Variants in FNDC3B observed in about 807,000 individuals in gnomAD.
The protein encoded by FNDC3B is fibronectin type III domain containing 3B.
Under a neutral mutation model 151.5 loss-of-function variants are expected in FNDC3B, and 12 were observed. The ratio of observed to expected loss-of-function variants is 0.08; its 90% CI spans 0.05 to 0.13. The LOEUF is 0.13. Ranked by LOEUF, FNDC3B falls within the 10% of genes least tolerant of loss-of-function variation. FNDC3B has a pLI of 1.00. For missense variants in FNDC3B, 1,214 were observed against 1,505.3 expected, an observed-to-expected ratio of 0.81 and a Z score of 3.20; for synonymous variants, 528 against 549.0, an observed-to-expected ratio of 0.96 and a Z score of 0.54.
intron 18 of FNDC3B, 102 bp downstream of exon 18, chr3:172,343,218 A>G: frequency 5.7e-6 from 4 of 707,422 alleles, no homozygotes; most frequent in South Asian, 4.6e-5. Context: ...TAAAGACCAT[A>G]TACGTTTTTG....
Position 172,397,300 on chromosome 3 carries a change from C to A in FNDC3B, c.3440C>A (p.Ala1147Asp). Residue 1147 changes from alanine (A) to aspartate (D), a missense_variant, in exon 26 of 26, where the codon GCT becomes GAT. This residue lies in a region of FNDC3B where 284 missense variants were observed against 392.4 expected (regional missense o/e 0.72). Transcript: ENST00000415807. ...AGCGGAGCCTTCAGCCCCTCTGCGG[C>A]TTTTGTATTACAACGAAGTGAGGTC... ...ELSGAFSPSA[A>D]FVLQRSEVML... is the part of the protein sequence containing the mutation. The A allele has an allele frequency of 6.2e-7, 1 of 1,614,198 alleles. No homozygotes were observed. Among genetic ancestry groups the A allele is most frequent in the Non-Finnish European group, 8.5e-7 (1 of 1,180,026 alleles).
chr3:172,111,724 G>T (rs1207137023), intron 1 of FNDC3B, among the ~76,000 whole-genome samples: 1 of 152,064 alleles, frequency 6.6e-6, no homozygotes, highest in African/African-American at 2.4e-5. Context: ...AGACATATTT[G>T]AGGCAGTTAT....
chr3:172,141,145 T>TC (rs10575160), intron 3 of FNDC3B, among the ~76,000 whole-genome samples: 25 of 151,752 alleles, frequency 1.6e-4, no homozygotes, highest in South Asian at 8.3e-4. Context: ...TACTGATTTT[T>TC]CCCCCCCCTA....
At chr3:172,228,091 GTTAC>G (rs533952314) in intron 4 of FNDC3B, among the ~76,000 whole-genome samples, 160 of 151,820 alleles carry the variant, frequency 1.1e-3, no homozygotes, top group African/African-American at 3.0e-3. Context: ...TTCTTACTGA[GTTAC>G]TTACTTACTT....
intron 6 of FNDC3B, among the ~76,000 whole-genome samples, chr3:172,267,220 A>ATCT (rs1479015099): frequency 6.7e-6 from 1 of 149,960 alleles, no homozygotes; most frequent in Non-Finnish European, 1.5e-5. Flanking sequence ...CAGTGGTGTG[A>ATCT]TCTTGGCTCA....
chr3:172,389,885 C>T (rs947651431), intron 25 of FNDC3B, among the ~76,000 whole-genome samples: 1 of 152,112 alleles, frequency 6.6e-6, no homozygotes, highest in African/African-American at 2.4e-5. Context: ...AAACTATTCA[C>T]GTGCATAAAA....
intron 3 of FNDC3B, among the ~76,000 whole-genome samples, chr3:172,181,363 C>T (rs1576770755): frequency 8.7e-6 from 1 of 114,854 alleles, no homozygotes; most frequent in Non-Finnish European, 1.6e-5. Context: ...CACTGTACTC[C>T]AGAGCTGGGT....
At chr3:172,186,642 G>T in intron 3 of FNDC3B, 1 of 670,494 alleles carries the variant, frequency 1.5e-6, no homozygotes, top group Non-Finnish European at 2.7e-6. Context: ...GAAGAAAATG[G>T]CAAGAAAATC....
chr3:172,261,060 G>T (rs1289730449), intron 6 of FNDC3B, among the ~76,000 whole-genome samples: 2 of 152,086 alleles, frequency 1.3e-5, no homozygotes, highest in African/African-American at 4.8e-5. Context: ...AAACTAACTG[G>T]GTAACCCACT....
rs139237887 is a variant in FNDC3B at position 172,295,461 on chromosome 3, C to T, written c.948C>T (p.Tyr316=). The T allele has an allele frequency of 6.2e-6, 10 of 1,613,984 alleles. No homozygotes were observed. Among genetic ancestry groups the T allele is most frequent in the East Asian group, 4.5e-5 (2 of 44,880 alleles). ...GTGGTCTTTCCTTCCCCTACAGTTA[C>T]GAGGTGGCCTTATCAGACAAAGGAC... ...PHSGLSFPYS[Y]EVALSDKGRD... The change falls in exon 8 of 26, where the codon TAC becomes TAT. Residue 316 remains tyrosine, a synonymous_variant. Transcript: ENST00000415807.
chr3:172,220,617 T>C (rs1576810154), intron 3 of FNDC3B, among the ~76,000 whole-genome samples: 2 of 152,356 alleles, frequency 1.3e-5, no homozygotes, highest in South Asian at 4.1e-4. Flanking sequence ...TTCTGTTTTC[T>C]TCTAAGAGTT....
intron 1 of FNDC3B, among the ~76,000 whole-genome samples, chr3:172,076,509 T>C (rs1291711724): frequency 1.3e-5 from 2 of 152,232 alleles, no homozygotes; most frequent in African/African-American, 4.8e-5. Context: ...ACTCTCTTCA[T>C]TGTGAGTTCC....
intron 9 of FNDC3B, among the ~76,000 whole-genome samples, chr3:172,299,947 A>G (rs1401222955): frequency 1.3e-5 from 2 of 152,286 alleles, no homozygotes; most frequent in Non-Finnish European, 2.9e-5. Flanking sequence ...TATTAGCTGC[A>G]TAAGTTCTTA....
intron 3 of FNDC3B, among the ~76,000 whole-genome samples, chr3:172,146,258 C>T (rs961844359): frequency 8.5e-5 from 13 of 152,270 alleles, no homozygotes; most frequent in African/African-American, 2.6e-4. Context: ...GTGAGTCAAG[C>T]GCTCACCTGT....
chr3:172,388,610 G>C (rs908627759), intron 25 of FNDC3B, among the ~76,000 whole-genome samples: 3 of 152,180 alleles, frequency 2.0e-5, no homozygotes, highest in African/African-American at 4.8e-5. Flanking sequence ...GCACAGTCCT[G>C]GGGGAGGCAC....
chr3:172,085,436 T>G (rs9862371), intron 1 of FNDC3B, among the ~76,000 whole-genome samples: 73,866 of 152,096 alleles, frequency 0.49, 19,451 homozygotes, highest in East Asian at 0.59. Context: ...GCATTTGCTC[T>G]CTAGTTTACC....
chr3:172,386,403 T>C (rs1192620280), intron 25 of FNDC3B, among the ~76,000 whole-genome samples: 1 of 152,188 alleles, frequency 6.6e-6, no homozygotes, highest in Admixed American at 6.5e-5. Context: ...CAGTCAAAAT[T>C]TATGAAAAAT....
intron 23 of FNDC3B, among the ~76,000 whole-genome samples, chr3:172,375,644 C>T (rs6788595): frequency 0.09 from 13,632 of 152,194 alleles, 702 homozygotes; most frequent in Middle Eastern, 0.16. Flanking sequence ...TTGGGGAAGG[C>T]AGGCCAGTCA....
chr3:172,148,828 G>T (rs1367397202), intron 3 of FNDC3B, among the ~76,000 whole-genome samples: 2 of 152,076 alleles, frequency 1.3e-5, no homozygotes, highest in African/African-American at 4.8e-5. Context: ...ACTCCTCATT[G>T]CACCTGTCAT....
Sources: gnomAD v4.1 joint callset for allele counts (sites outside exome capture counted in the v4.1 genomes callset) on GRCh38, gnomAD v4.1.1 for gene constraint, gnomAD v4.1.1 regional missense constraint, MANE v1.5 for transcripts, NCBI Gene and HGNC (gene_info 2026-07-23, HGNC 2026-07-21) for gene names.